The following MEGF11 variants were observed in gnomAD, a reference collection of about 807,000 sequenced individuals.
MEGF11 encodes multiple epidermal growth factor-like domains protein 11.
MEGF11 carries 126 observed loss-of-function variants against 146.6 expected under a neutral mutation model. The observed-to-expected ratio is 0.86, with a 90% CI of 0.74 to 1.00. The LOEUF (loss-of-function observed/expected upper bound fraction) is 1.00. MEGF11 is among the 50% of genes least tolerant of loss of function. The probability of loss-of-function intolerance (pLI) is 0.00; values close to 1 mark genes in which losing one functional copy is unlikely to be tolerated. For missense variants in MEGF11, 1,509 were observed against 1,521.2 expected (o/e 0.99, Z 0.13); for synonymous variants, 532 against 583.4 (o/e 0.91, Z 1.27).
At chr15:65,904,593 A>G (rs1413491974) in intron 24 of MEGF11, among the ~76,000 whole-genome samples, 3 of 152,170 alleles carry the variant, frequency 2.0e-5, no homozygotes, top group Non-Finnish European at 4.4e-5. Context: ...GTAGACGACT[A>G]GCTGTTCTTG....
At chr15:66,215,358 C>T (rs1017958084) in intron 1 of MEGF11, among the ~76,000 whole-genome samples, 1 of 152,086 alleles carries the variant, frequency 6.6e-6, no homozygotes, top group African/African-American at 2.4e-5. Flanking sequence ...CCACCTGAGC[C>T]CTGGGAACCT....
chr15:66,011,202 C>T (rs1198103543), intron 5 of MEGF11, among the ~76,000 whole-genome samples: 6 of 152,022 alleles, frequency 3.9e-5, no homozygotes, highest in Admixed American at 3.9e-4. Context: ...TTGTGGCCAC[C>T]GTAAGATTTC....
intron 10 of MEGF11, 111 bp from the exon 11 acceptor site, chr15:65,931,054 G>A (rs1181039984): frequency 1.6e-6 from 2 of 1,273,308 alleles, no homozygotes; most frequent in East Asian, 5.7e-5. Flanking sequence ...CCTAATCCCT[G>A]GGATCTGTGA....
intron 23 of MEGF11, among the ~76,000 whole-genome samples, chr15:65,906,859 T>G (rs2078645019): frequency 6.6e-6 from 1 of 152,230 alleles, no homozygotes; most frequent in South Asian, 2.1e-4. Flanking sequence ...GCCCCAAGGA[T>G]TTCTTTCTAC....
chr15:66,117,566 G>A (rs1334618056), intron 4 of MEGF11, among the ~76,000 whole-genome samples: 2 of 152,276 alleles, frequency 1.3e-5, no homozygotes, highest in African/African-American at 2.4e-5. Flanking sequence ...CTGCGCTGAC[G>A]TCCAAACTCC....
At chr15:66,208,918 G>A (rs1283285087) in intron 1 of MEGF11, among the ~76,000 whole-genome samples, 2 of 152,012 alleles carry the variant, frequency 1.3e-5, no homozygotes, top group East Asian at 1.9e-4. Context: ...ACATGTCCCA[G>A]CTAGAGTAGC....
chr15:66,039,180 C>T (rs1268167413), intron 5 of MEGF11, among the ~76,000 whole-genome samples: 1 of 152,142 alleles, frequency 6.6e-6, no homozygotes, highest in Non-Finnish European at 1.5e-5. Context: ...ATCACTCCAC[C>T]GAAAAACATC....
chr15:66,079,876 C>T (rs2085772242), intron 5 of MEGF11, among the ~76,000 whole-genome samples: 1 of 152,214 alleles, frequency 6.6e-6, no homozygotes, highest in Non-Finnish European at 1.5e-5. Context: ...CCAGCCTGAT[C>T]CTCATCCTGA....
intron 9 of MEGF11, among the ~76,000 whole-genome samples, chr15:65,964,164 C>T (rs1033968955): frequency 1.1e-4 from 17 of 152,166 alleles, no homozygotes; most frequent in Non-Finnish European, 2.1e-4. Flanking sequence ...GTGCGTGAAG[C>T]GGGCAGGGAG....
intron 1 of MEGF11, among the ~76,000 whole-genome samples, chr15:66,132,709 A>C (rs2088701135): frequency 6.6e-6 from 1 of 152,162 alleles, no homozygotes; most frequent in Non-Finnish European, 1.5e-5. Context: ...GGGGAGGGAC[A>C]ACACAGGTGC....
chr15:65,916,897 C>T lies in MEGF11; in HGVS notation c.2146G>A (p.Ala716Thr), dbSNP rs201317112. 1,607 of 1,582,852 alleles carry T rather than the reference C, an allele frequency of 1.0e-3. 2 individuals are homozygous for T. Among genetic ancestry groups the T allele is most frequent in the Non-Finnish European group, 1.3e-3 (1,552 of 1,164,016 alleles). The change falls in exon 17 of 26, where the codon GCG becomes ACG. Residue 716 changes from alanine to threonine, a missense_variant. Transcript: ENST00000395614. Reference protein sequence around the residue: ...CFHACSCHNGASCSAEDGACH... With the variant: ...CFHACSCHNGTSCSAEDGACH... ...GCCCCGTCCTCGGCGCTGCAGCTCG[C>T]CCCGTTGTGGCAGCTGCATGCGTGG...
At chr15:66,030,835 G>A (rs765405356) in intron 5 of MEGF11, among the ~76,000 whole-genome samples, 3 of 152,196 alleles carry the variant, frequency 2.0e-5, no homozygotes, top group Non-Finnish European at 4.4e-5. Flanking sequence ...ACTTCAGCAA[G>A]GAACATCCAT....
chr15:66,161,855 C>T (rs951282849), intron 1 of MEGF11, among the ~76,000 whole-genome samples: 2 of 152,308 alleles, frequency 1.3e-5, no homozygotes, highest in African/African-American at 4.8e-5. Flanking sequence ...CCAGCAGTTA[C>T]ACCACCAGTG....
chr15:66,008,019 A>G (rs1255290861), intron 5 of MEGF11, among the ~76,000 whole-genome samples: 4 of 152,156 alleles, frequency 2.6e-5, no homozygotes, highest in Non-Finnish European at 5.9e-5. Flanking sequence ...TGCCTCTTCC[A>G]AGGAGGATGT....
At chr15:65,961,585 T>C (rs1269759764) in intron 9 of MEGF11, among the ~76,000 whole-genome samples, 1 of 152,214 alleles carries the variant, frequency 6.6e-6, no homozygotes, top group African/African-American at 2.4e-5. Context: ...GGTTTCTTTG[T>C]GTGTGCTGCA....
At chr15:65,906,850 C>A (rs1444236270) in intron 23 of MEGF11, among the ~76,000 whole-genome samples, 1 of 152,186 alleles carries the variant, frequency 6.6e-6, no homozygotes, top group East Asian at 1.9e-4. Context: ...GTGTTTTCAG[C>A]CCCAAGGATT....
chr15:66,173,729 G>A (rs565679071), intron 1 of MEGF11, among the ~76,000 whole-genome samples: 1 of 152,254 alleles, frequency 6.6e-6, no homozygotes, highest in African/African-American at 2.4e-5. Flanking sequence ...CAGTGAGGTC[G>A]ACAGGGACAA....
intron 1 of MEGF11, among the ~76,000 whole-genome samples, chr15:66,207,008 T>C (rs1251182682): frequency 6.6e-6 from 1 of 152,022 alleles, no homozygotes; most frequent in Admixed American, 6.6e-5. Context: ...TGAAATTATC[T>C]AGTCGGAATG....
In MEGF11 at chr15:66,036,414, C is replaced by T. The variant is rs2083727661; in HGVS notation, c.395-53926G>A. 2.0e-5 allele frequency among the ~76,000 whole-genome samples: 3 copies of T among 152,338 alleles called. No homozygotes were observed. The South Asian group carries it at 6.2e-4, about 32-fold the overall frequency. On this transcript the variant is annotated intron_variant, in intron 5 of 25. Coordinates refer to ENST00000395614, the MANE Select transcript of MEGF11 (RefSeq NM_001385028.1). ...TTGCTTTGCAGAATTATCCACGTTG[C>T]TCCATATTACTCTATTCATTCATTT... is the stretch of plus-strand genomic sequence containing the variant.
Sources: allele counts gnomAD v4.1 joint callset (sites outside exome capture counted in the v4.1 genomes callset), GRCh38; gene constraint gnomAD v4.1.1; transcripts MANE v1.5; gene names NCBI Gene and HGNC (gene_info 2026-07-23, HGNC 2026-07-21).